HNRNPF: variants seen among roughly 807,000 people sequenced by gnomAD.
The protein encoded by HNRNPF is heterogeneous nuclear ribonucleoprotein F, also known as HnRNP F protein.
HNRNPF carries 2 observed loss-of-function variants against 26.0 expected under a neutral mutation model. The observed-to-expected ratio is 0.08, with a 90% CI of 0.03 to 0.24. The LOEUF (loss-of-function observed/expected upper bound fraction) is 0.24, where lower values mean the gene tolerates loss of function less well. Ranked by LOEUF, HNRNPF falls within the 10% of genes least tolerant of loss-of-function variation. The pLI, the probability that HNRNPF is intolerant of heterozygous loss-of-function variation, is 1.00. For missense variants in HNRNPF, 299 were observed against 539.2 expected, an observed-to-expected ratio of 0.55 and a Z score of 4.41; for synonymous variants, 234 against 211.5, an observed-to-expected ratio of 1.11 and a Z score of -0.92.
rs1438891575 is a variant in HNRNPF, at chr10:43,405,672, T to A, written c.-247+3459A>T. 7.3e-5 allele frequency among the ~76,000 whole-genome samples: 11 copies of A among 150,410 alleles called. No individual in the cohort carries two copies. In the South Asian group the frequency reaches 1.1e-3, roughly 14 times the overall value. ...ATTCCGTCTCGGAAAAAAAAAAAAA[T>A]TTAATACAGAAACACTTAAACCCTG... On this transcript the variant is annotated intron_variant, in intron 1 of 3. Coordinates refer to ENST00000682386, the MANE Select transcript of HNRNPF (RefSeq NM_001098204.2).
chr10:43,387,164 C>G lies in HNRNPF; in HGVS notation c.721G>C (p.Gly241Arg). 8 of 1,614,174 alleles carry G rather than the reference C, an allele frequency of 5.0e-6. No homozygotes were observed. Among genetic ancestry groups the G allele is most frequent in the Non-Finnish European group, 6.8e-6 (8 of 1,180,038 alleles). Residue 241 changes from glycine (G) to arginine (R), a missense_variant, in exon 4 of 4, where the codon GGG (glycine) becomes CGG (arginine). Around this residue, in one of 6 missense-constraint regions of HNRNPF, gnomAD observed 74 missense variants for 77.7 expected, o/e 0.95. Transcript: ENST00000682386. This position sits in a 1 kb window ranked among gnomAD's most constrained non-coding sequence, Gnocchi z 6.0. ...AGGCCACTGTACTCCTCGTAGCCCC[C>G]GTAGCCTGTGCTGTAGGCACCAGGC... Reference protein sequence around the residue: ...MRPGAYSTGYGGYEEYSGLSD... With the variant: ...MRPGAYSTGYRGYEEYSGLSD...
chr10:43,396,985 G>C (rs1310614177), intron 1 of HNRNPF, among the ~76,000 whole-genome samples: 1 of 151,998 alleles, frequency 6.6e-6, no homozygotes, highest in South Asian at 2.1e-4. Flanking sequence ...TGGGGTGGGG[G>C]CTGCTCCCCG....
chr10:43,402,850 T>A (rs1188129112), intron 1 of HNRNPF, among the ~76,000 whole-genome samples: 1 of 151,922 alleles, frequency 6.6e-6, no homozygotes, highest in Non-Finnish European at 1.5e-5. Context: ...AGGATAAATC[T>A]AATAGGAGTC....
At chr10:43,397,044 C>G (rs1181451346) in intron 1 of HNRNPF, 2 of 151,468 alleles carry the variant, frequency 1.3e-5, no homozygotes, top group African/African-American at 2.4e-5. Flanking sequence ...ACCCGCGGGC[C>G]GAGCGCGGCT....
At chr10:43,388,102 G>GA (rs1241334601) in intron 3 of HNRNPF, among the ~76,000 whole-genome samples, 166 bp from the exon 4 acceptor site, 1 of 152,154 alleles carries the variant, frequency 6.6e-6, no homozygotes, top group African/African-American at 2.4e-5. Context: ...CAGGCAGTTT[G>GA]AAAAACAAAT....
At chr10:43,398,032 G>T (rs1349633975) in intron 1 of HNRNPF, among the ~76,000 whole-genome samples, 59 of 152,194 alleles carry the variant, frequency 3.9e-4, no homozygotes, top group Non-Finnish European at 1.8e-4. Context: ...TGTTTGTTTG[G>T]TTGGTTTTTT....
intron 3 of HNRNPF, among the ~76,000 whole-genome samples, chr10:43,391,007 G>A (rs1838222239): frequency 6.6e-6 from 1 of 152,082 alleles, no homozygotes; most frequent in Admixed American, 6.6e-5. Context: ...GTGAAATACT[G>A]TAGAAATCAG....
chr10:43,393,756 C>T (rs778856519), intron 3 of HNRNPF, among the ~76,000 whole-genome samples: 2 of 152,308 alleles, frequency 1.3e-5, no homozygotes, highest in South Asian at 2.1e-4. Flanking sequence ...TGGGGTCCCT[C>T]AGGCCTTGCA....
At position 43,386,590 on chromosome 10, in the gene HNRNPF, G is replaced by C; in HGVS notation, c.*47C>G. On this transcript the variant is annotated 3_prime_UTR_variant, in exon 4 of 4. Coordinates refer to ENST00000682386, the MANE Select transcript of HNRNPF (RefSeq NM_001098204.2). ...TTATAACTGCTCTTAATTGCTTGTT[G>C]GCTGCCTGTGAAAATGATTGAAGTA... 6.7e-7 allele frequency: 1 copy of C among 1,486,100 alleles called. No homozygotes were observed. Among genetic ancestry groups the C allele is most frequent in the Non-Finnish European group, 8.9e-7 (1 of 1,118,344 alleles). 92.1% of individuals were successfully genotyped at this position (1,486,100 alleles called of 1,614,324 possible). A position where few individuals can be genotyped will look rare whatever the true frequency, so the allele number is the denominator to read the frequency against.
At chr10:43,390,607 TTA>T (rs1838204871) in intron 3 of HNRNPF, among the ~76,000 whole-genome samples, 1 of 152,144 alleles carries the variant, frequency 6.6e-6, no homozygotes, top group South Asian at 2.1e-4. Context: ...ATAATCCAGC[TTA>T]GAGCAAGTAT....
intron 1 of HNRNPF, among the ~76,000 whole-genome samples, chr10:43,397,625 C>T (rs1238951428): frequency 6.6e-6 from 1 of 151,994 alleles, no homozygotes. Flanking sequence ...CATGGACACA[C>T]GTAAAGATTT....
At chr10:43,395,703 G>C (rs1191864454) in intron 2 of HNRNPF, among the ~76,000 whole-genome samples, 1 of 152,192 alleles carries the variant, frequency 6.6e-6, no homozygotes, top group African/African-American at 2.4e-5. Flanking sequence ...ACTTGTTCAA[G>C]GATCTAAAGG....
chr10:43,393,933 A>C (rs1838356765), intron 3 of HNRNPF, among the ~76,000 whole-genome samples: 1 of 152,134 alleles, frequency 6.6e-6, no homozygotes. Context: ...CCTAAATCCC[A>C]CTAATCCTTA....
intron 1 of HNRNPF, among the ~76,000 whole-genome samples, chr10:43,404,547 A>C (rs1296369013): frequency 6.6e-6 from 1 of 151,978 alleles, no homozygotes; most frequent in Admixed American, 6.6e-5. Context: ...TCTTTCCAAA[A>C]ACTCTCATCT....
chr10:43,393,936 A>G (rs1374533224), intron 3 of HNRNPF, among the ~76,000 whole-genome samples: 1 of 152,184 alleles, frequency 6.6e-6, no homozygotes, highest in African/African-American at 2.4e-5. Context: ...AAATCCCACT[A>G]ATCCTTAAGG....
At chr10:43,392,336 C>T (rs1055031021) in intron 3 of HNRNPF, among the ~76,000 whole-genome samples, 4 of 152,086 alleles carry the variant, frequency 2.6e-5, no homozygotes, top group Admixed American at 6.5e-5. Context: ...GTCAGGAGAT[C>T]GAGACCATCC....
At chr10:43,395,326 T>C (rs1588993039) in intron 2 of HNRNPF, among the ~76,000 whole-genome samples, 1 of 152,260 alleles carries the variant, frequency 6.6e-6, no homozygotes. Context: ...TTCAGTTTTA[T>C]TGGGTAACTT....
chr10:43,386,956 GAGA>G lies in HNRNPF; in HGVS notation c.926_928del (p.Phe309del). The stretch of plus-strand genomic sequence containing the variant: ...ATGGACTCTCACAGGGTTGAGAGGA[GAGA>G]AGAAGTTGTAAATGTCGTTCTCGGT... On this transcript the variant is annotated inframe_deletion, in exon 4 of 4. Transcript: ENST00000682386. The G allele has an allele frequency of 6.2e-7, 1 of 1,614,198 alleles. No individual in the cohort carries two copies. The highest frequency in any genetic ancestry group is 8.5e-7 in the Non-Finnish European group (1 of 1,180,028).
chr10:43,392,399 C>T (rs1478735616), intron 3 of HNRNPF, among the ~76,000 whole-genome samples: 1 of 152,134 alleles, frequency 6.6e-6, no homozygotes, highest in Admixed American at 6.5e-5. Flanking sequence ...ATTAGCCAGG[C>T]GTCGTGGCGG....
Sources: gnomAD v4.1 joint callset for allele counts (sites outside exome capture counted in the v4.1 genomes callset) on GRCh38, gnomAD v4.1.1 for gene constraint, gnomAD v4.1.1 regional missense constraint, Gnocchi (gnomAD v3.1) non-coding constraint, MANE v1.5 for transcripts, NCBI Gene and HGNC (gene_info 2026-07-23, HGNC 2026-07-21) for gene names.